The following ENTPD8 variants were observed in gnomAD, a reference collection of about 807,000 sequenced individuals.
ENTPD8 encodes the protein E-NTPDase 8.
A neutral mutation model predicts 47.0 loss-of-function variants in ENTPD8; 35 were observed. That is an observed-to-expected ratio of 0.75 (90% confidence interval 0.57 to 0.99). ENTPD8 has a LOEUF of 0.99. Among genes scored for constraint, ENTPD8 ranks in the 50% least tolerant of loss-of-function variants. The pLI is 0.00. For synonymous variants in ENTPD8, 308 were observed against 290.5 expected (o/e 1.06, Z -0.61); for missense variants, 668 against 649.9 (o/e 1.03, Z -0.30).
rs1388551964 is a variant in ENTPD8, at chr9:137,435,080, G to A, written c.1322C>T (p.Thr441Ile). Reference protein sequence around the residue: ...KQAGGVDIGWTLGYMLNLTGM... With the variant: ...KQAGGVDIGWILGYMLNLTGM... Reference sequence around the variant, plus strand: ...GGTCAGGTTCAGCATGTAGCCCAGTGTCCAGCCAATGTCCACACCGCCCGC... The same window carrying A: ...GGTCAGGTTCAGCATGTAGCCCAGTATCCAGCCAATGTCCACACCGCCCGC... The change falls in exon 10 of 10, where the codon ACA becomes ATA. Residue 441 changes from threonine (T) to isoleucine (I), a missense_variant. Thr to Ile is a moderately conservative substitution (Grantham distance 89). Transcript: ENST00000371506. The A allele has an allele frequency of 1.2e-6, 2 of 1,611,196 alleles. No individual in the cohort carries two copies. Among genetic ancestry groups the A allele is most frequent in the East Asian group, 2.2e-5 (1 of 44,866 alleles).
rs1385365985 is a variant in ENTPD8, at chr9:137,434,765, C to G, written c.*149G>C. The G allele has an allele frequency of 9.6e-7, 1 of 1,043,732 alleles. No individual in the cohort carries two copies. Among genetic ancestry groups the G allele is most frequent in the African/African-American group, 1.6e-5 (1 of 62,158 alleles). The allele number at this position is 1,043,732 out of a possible 1,614,324, so 64.7% of individuals were successfully genotyped here. On this transcript the variant is annotated 3_prime_UTR_variant, in exon 10 of 10. Transcript: ENST00000371506. ...GGTCATGCAGCCTCTGTGGCCAGCACCACCCTGACGGTGCCCTGGAGGTGG... is the reference window on the plus strand; with the variant it reads ...GGTCATGCAGCCTCTGTGGCCAGCAGCACCCTGACGGTGCCCTGGAGGTGG...
chr9:137,436,056 G>A lies in ENTPD8; in HGVS notation c.1007C>T (p.Ala336Val), dbSNP rs759807241. 16 of 1,612,968 alleles carry A rather than the reference G, an allele frequency of 9.9e-6. No individual in the cohort carries two copies. The highest frequency in any genetic ancestry group is 1.4e-5 in the Non-Finnish European group (16 of 1,179,996). ...FSSCQGQEDC[A>V]FDGVYQPPLR... ...CGGGGGCTGGTAGACCCCGTCAAAG[G>A]CGCAGTCCTCCTGGCCCTGGCAGCT... is the stretch of plus-strand genomic sequence containing the variant. Residue 336 changes from alanine (A) to valine (V), a missense_variant, in exon 7 of 10, where the codon GCC becomes GTC. Transcript: ENST00000371506.
rs1237140694 is a variant in ENTPD8 at position 137,438,630 on chromosome 9, C to T, written c.-20-325G>A. Among the ~76,000 whole-genome samples the T allele has an allele frequency of 3.4e-5, 5 of 147,822 alleles. No individual in the cohort carries two copies. Among genetic ancestry groups the T allele is most frequent in the South Asian group, 2.1e-4 (1 of 4,762 alleles). On this transcript the variant is annotated intron_variant, in intron 1 of 9. Coordinates refer to ENST00000371506, the MANE Select transcript of ENTPD8 (RefSeq NM_001033113.2). This position sits in a 1 kb window ranked among gnomAD's most constrained non-coding sequence, Gnocchi z 5.7. ...CCTCCCGTGGCCATAGAGGCATCCC[C>T]GGGGCTCAGACGGTCTCCCGTGGCC...
At position 137,435,707 on chromosome 9, in the gene ENTPD8, G is replaced by A. The variant is rs1839326373; in HGVS notation, c.1161+12C>T. Reference sequence around the variant, plus strand: ...ACCCTCGCTGCAGCCAGGGAGCCCAGGGCCCACCCACCAGTTTCCAGGGCC... The same window carrying A: ...ACCCTCGCTGCAGCCAGGGAGCCCAAGGCCCACCCACCAGTTTCCAGGGCC... On this transcript the variant is annotated intron_variant, in intron 8 of 9. Transcript: ENST00000371506. 1.2e-6 allele frequency: 2 copies of A among 1,608,624 alleles called. No individual in the cohort carries two copies. Among genetic ancestry groups the A allele is most frequent in the Non-Finnish European group, 1.7e-6 (2 of 1,176,138 alleles).
rs758015896 is a variant in ENTPD8 at position 137,437,951 on chromosome 9, AG to A, written c.244+15del. On this transcript the variant is annotated intron_variant, in intron 3 of 9. Transcript: ENST00000371506. Reference sequence around the variant, plus strand: ...CAGGCAGGTCCCAGCACCGGGCTGCAGAACAGCCCACTAACCTTCCACCTGG... The same window carrying A: ...CAGGCAGGTCCCAGCACCGGGCTGCAAACAGCCCACTAACCTTCCACCTGG... 2.5e-6 allele frequency: 4 copies of A among 1,597,108 alleles called. No individual in the cohort carries two copies. In the East Asian group the frequency reaches 8.9e-5, roughly 36 times the overall value.
chr9:137,436,834 C>T, intron 5 of ENTPD8, 35 bp downstream of exon 5: 1 of 1,607,442 alleles, frequency 6.2e-7, no homozygotes, highest in South Asian at 1.1e-5. Context: ...CAGCCCCTCG[C>T]AGACCAGCCC....
At chr9:137,435,578 C>G (rs975206560) in intron 8 of ENTPD8, 141 bp downstream of exon 8, 4 of 1,023,280 alleles carry the variant, frequency 3.9e-6, no homozygotes, top group Middle Eastern at 6.3e-4. Flanking sequence ...TGGAGTGGCA[C>G]GGCCTGGAGC....
At position 137,435,217 on chromosome 9, in the gene ENTPD8, T is replaced by C; in HGVS notation, c.1283A>G (p.Glu428Gly). 1 of 1,611,336 alleles carries C rather than the reference T, an allele frequency of 6.2e-7. No homozygotes were observed. The change falls in exon 9 of 10, where the codon GAG becomes GGG. Residue 428 changes from glutamate (E) to glycine (G), a missense_variant. Glu to Gly is a moderately conservative substitution (Grantham distance 98). Coordinates refer to ENST00000371506, the MANE Select transcript of ENTPD8 (RefSeq NM_001033113.2). ...GFSEETWPSLEFRKQAGGVDI... is the reference protein window; with the variant it reads ...GFSEETWPSLGFRKQAGGVDI... ...GGAGGCAGTCACCTGCTTTCGGAAC[T>C]CGAGGCTGGGCCAGGTCTCCTCGCT... is the stretch of plus-strand genomic sequence containing the variant.
Position 137,437,232 on chromosome 9 carries a change from C to T in ENTPD8, c.322G>A (p.Val108Met). 2 of 1,613,050 alleles carry T rather than the reference C, an allele frequency of 1.2e-6. No homozygotes were observed. The change falls in exon 4 of 10, where the codon GTG becomes ATG. Residue 108 changes from valine to methionine, a missense_variant. Coordinates refer to ENST00000371506, the MANE Select transcript of ENTPD8 (RefSeq NM_001033113.2). ...CGATGCTGGGCCTCTGGGATCAGCA[C>T]CAGCGCCTCCTCCAAGCAGCCCTGC... ...SLQGCLEEAL[V>M]LIPEAQHRKT...
At position 137,438,073 on chromosome 9, in the gene ENTPD8, C is replaced by G; in HGVS notation, c.138G>C (p.Val46=). The G allele has an allele frequency of 6.2e-7, 1 of 1,612,900 alleles. No homozygotes were observed. ...LLPTDIKFGI[V]FDAGSSHTSL... The stretch of plus-strand genomic sequence containing the variant: ...ACGTGTGGGAGGAGCCCGCATCAAA[C>G]ACGATCCCAAACTGGGGAGACAGTG... The change falls in exon 3 of 10, where the codon GTG becomes GTC. Residue 46 remains valine, a synonymous_variant. Transcript: ENST00000371506. This position sits in a 1 kb window ranked among gnomAD's most constrained non-coding sequence, Gnocchi z 5.7.
At chr9:137,437,767 A>G (rs950644709) in intron 3 of ENTPD8, among the ~76,000 whole-genome samples, 200 bp downstream of exon 3, 1 of 152,176 alleles carries the variant, frequency 6.6e-6, no homozygotes, top group African/African-American at 2.4e-5. Flanking sequence ...GGCCATGAGA[A>G]TCTGACTGCT....
At chr9:137,435,465 C>A in intron 8 of ENTPD8, 127 bp from the exon 9 acceptor site, 3 of 1,431,868 alleles carry the variant, frequency 2.1e-6, no homozygotes, top group East Asian at 4.9e-5. Flanking sequence ...TGGTAGAGAG[C>A]CCCTCCCTGG....
chr9:137,437,842 C>T (rs995736773), intron 3 of ENTPD8, 125 bp downstream of exon 3: 2 of 861,056 alleles, frequency 2.3e-6, no homozygotes, highest in South Asian at 3.2e-5. Context: ...GGCCCAGCAC[C>T]CATGCCCGGC....
chr9:137,436,272 C>A lies in ENTPD8; in HGVS notation c.791G>T (p.Arg264Leu). The A allele has an allele frequency of 6.3e-7, 1 of 1,586,146 alleles. No individual in the cohort carries two copies. The highest frequency in any genetic ancestry group is 1.7e-5 in the Admixed American group (1 of 58,352). ...SRLLVGLVQS[R>L]PAALLRHPCY... is the part of the protein sequence containing the mutation. ...CGGGTGACGGAGCAGGGCAGCCGGG[C>A]GGCTCTGCAGAGGGCAGGGAGGCCT... Residue 264 changes from arginine (R) to leucine (L), a missense_variant, in exon 7 of 10, where the codon CGC becomes CTC. By Grantham distance (102) the Arg-to-Leu change is moderately radical. Coordinates refer to ENST00000371506, the MANE Select transcript of ENTPD8 (RefSeq NM_001033113.2).
chr9:137,436,326 T>C, intron 6 of ENTPD8, 50 bp from the exon 7 acceptor site: 2 of 1,497,308 alleles, frequency 1.3e-6, no homozygotes, highest in Non-Finnish European at 1.8e-6. Flanking sequence ...TGCGGCCCTG[T>C]GCCCCTCCCC....
At chr9:137,439,116 A>T (rs1487599966) in intron 1 of ENTPD8, among the ~76,000 whole-genome samples, 1 of 152,020 alleles carries the variant, frequency 6.6e-6, no homozygotes, top group Non-Finnish European at 1.5e-5. Flanking sequence ...TCTTAACAAC[A>T]TCGGTTTCTC....
At chr9:137,435,570 G>T in intron 8 of ENTPD8, 149 bp downstream of exon 8, 1 of 1,015,756 alleles carries the variant, frequency 9.8e-7, no homozygotes, top group Non-Finnish European at 1.4e-6. Flanking sequence ...CTCCTACCTG[G>T]AGTGGCACGG....
rs931050647 is a variant in ENTPD8, at chr9:137,434,437, G to C, written c.*477C>G. Reference sequence around the variant, plus strand: ...ACCCTCCAAGTGGGTGTGGGAGGCCGGGCTGGCCCAGCAGAAGCCCCCAGG... The same window carrying C: ...ACCCTCCAAGTGGGTGTGGGAGGCCCGGCTGGCCCAGCAGAAGCCCCCAGG... On this transcript the variant is annotated 3_prime_UTR_variant, in exon 10 of 10. Coordinates refer to ENST00000371506, the MANE Select transcript of ENTPD8 (RefSeq NM_001033113.2). 6 of 1,473,698 alleles carry C rather than the reference G, an allele frequency of 4.1e-6. No homozygotes were observed. The African/African-American group carries it at 7.1e-5, about 17-fold the overall frequency. 91.3% of individuals were successfully genotyped at this position (1,473,698 alleles called of 1,614,324 possible).
At position 137,436,394 on chromosome 9, in the gene ENTPD8, C is replaced by G. The variant is rs1387475901; in HGVS notation, c.787-118G>C. 7 of 1,342,568 alleles carry G rather than the reference C, an allele frequency of 5.2e-6. No homozygotes were observed. The East Asian group carries it at 1.8e-4, about 35-fold the overall frequency. 83.2% of individuals were successfully genotyped at this position (1,342,568 alleles called of 1,614,324 possible). The stretch of plus-strand genomic sequence containing the variant: ...ATACCCTGTGCGCCCTCCCCGGTGC[C>G]GGATGACCCACGCCAGCCCCGCGCC... On this transcript the variant is annotated intron_variant, in intron 6 of 9. Coordinates refer to ENST00000371506, the MANE Select transcript of ENTPD8 (RefSeq NM_001033113.2).
Sources: gnomAD v4.1 joint callset for allele counts (sites outside exome capture counted in the v4.1 genomes callset) on GRCh38, gnomAD v4.1.1 for gene constraint, Gnocchi (gnomAD v3.1) non-coding constraint, MANE v1.5 for transcripts, NCBI Gene and HGNC (gene_info 2026-07-23, HGNC 2026-07-21) for gene names.